The following MAP3K20 variants were observed in gnomAD, a reference collection of about 807,000 sequenced individuals.
MAP3K20 encodes the protein HCCS-4.
In MAP3K20, 40 loss-of-function variants were observed where a neutral mutation model predicts 85.7. The ratio of observed to expected loss-of-function variants is 0.47; its 90% CI spans 0.36 to 0.61. The LOEUF is 0.61. Ranked by LOEUF, MAP3K20 falls within the 20% of genes least tolerant of loss-of-function variation. The probability of loss-of-function intolerance (pLI) is 0.00; values close to 1 mark genes in which losing one functional copy is unlikely to be tolerated. For synonymous variants in MAP3K20, 325 were observed against 327.7 expected (o/e 0.99, Z 0.09); for missense variants, 817 against 961.7 (o/e 0.85, Z 1.99).
chr2:173,079,942 T>C (rs1462758533), intron 1 of MAP3K20, among the ~76,000 whole-genome samples: 1 of 152,016 alleles, frequency 6.6e-6, no homozygotes, highest in Non-Finnish European at 1.5e-5. Flanking sequence ...GGATAAAAAG[T>C]ATAGTAAATA....
intron 2 of MAP3K20, among the ~76,000 whole-genome samples, chr2:173,140,114 C>T (rs1178126754): frequency 6.6e-6 from 1 of 151,946 alleles, no homozygotes; most frequent in African/African-American, 2.4e-5. Flanking sequence ...CGGGTTCAAG[C>T]GATTCCCCTG....
At chr2:173,088,655 A>C (rs1488518726) in intron 1 of MAP3K20, among the ~76,000 whole-genome samples, 1 of 152,216 alleles carries the variant, frequency 6.6e-6, no homozygotes, top group Non-Finnish European at 1.5e-5. Flanking sequence ...TTATAAAAAT[A>C]ATTAACAAAA....
intron 2 of MAP3K20, among the ~76,000 whole-genome samples, chr2:173,102,965 A>G (rs1384299564): frequency 6.6e-6 from 1 of 152,138 alleles, no homozygotes; most frequent in African/African-American, 2.4e-5. Flanking sequence ...AGGGAGGAGA[A>G]TCGCTTGAAC....
Position 173,146,272 on chromosome 2 carries a change from G to A in MAP3K20, c.160-23533G>A, listed in dbSNP as rs972623469. On this transcript the variant is annotated intron_variant, in intron 2 of 19. Transcript: ENST00000375213. Reference sequence around the variant, plus strand: ...GCAAAGGAACAAGCCAGTCAAGTCTGTTGCCTTTTAGAGGGATTCTCCAGA... The same window carrying A: ...GCAAAGGAACAAGCCAGTCAAGTCTATTGCCTTTTAGAGGGATTCTCCAGA... 3.3e-5 allele frequency among the ~76,000 whole-genome samples: 5 copies of A among 151,632 alleles called. No individual in the cohort carries two copies. The South Asian group carries it at 1.0e-3, about 32-fold the overall frequency.
intron 14 of MAP3K20, among the ~76,000 whole-genome samples, chr2:173,232,689 A>T (rs1266815010): frequency 1.3e-5 from 2 of 152,114 alleles, no homozygotes; most frequent in African/African-American, 4.8e-5. Context: ...TTTTTAGTAG[A>T]GATGGGGCTT....
At chr2:173,137,796 C>CA (rs1036855147) in intron 2 of MAP3K20, among the ~76,000 whole-genome samples, 1 of 152,088 alleles carries the variant, frequency 6.6e-6, no homozygotes, top group Non-Finnish European at 1.5e-5. Flanking sequence ...GTGCTGTTGA[C>CA]ACGTGGGCAT....
chr2:173,115,525 C>G (rs2106180285), intron 2 of MAP3K20, among the ~76,000 whole-genome samples: 1 of 152,108 alleles, frequency 6.6e-6, no homozygotes, highest in Non-Finnish European at 1.5e-5. Context: ...TTTCTGGTTC[C>G]TTCTCATTTG....
chr2:173,198,818 T>TAAGAGCCTACA lies in MAP3K20; in HGVS notation c.669+707_669+708insAGAGCCTACAA, dbSNP rs1690935960. 6.6e-6 allele frequency: 1 copy of TAAGAGCCTACA among 152,632 alleles called. No homozygotes were observed. The highest frequency in any genetic ancestry group is 1.5e-5 in the Non-Finnish European group (1 of 68,050). The allele number at this position is 152,632 out of a possible 1,614,324, so 9.5% of individuals were successfully genotyped here. A position where few individuals can be genotyped will look rare whatever the true frequency, so the allele number is the denominator to read the frequency against. On this transcript the variant is annotated intron_variant, in intron 8 of 19. Coordinates refer to ENST00000375213, the MANE Select transcript of MAP3K20 (RefSeq NM_016653.3). This position sits in a 1 kb window ranked among gnomAD's most constrained non-coding sequence, Gnocchi z 5.8. Reference sequence around the variant, plus strand: ...ATTGAGGCTTTCAGTTAGTTGGACCTATGAGCCTACATCAGAGAACATGGT... The same window carrying TAAGAGCCTACA: ...ATTGAGGCTTTCAGTTAGTTGGACCTAAGAGCCTACAATGAGCCTACATCAGAGAACATGGT...
chr2:173,248,985 A>AT (rs1684984523), intron 16 of MAP3K20, among the ~76,000 whole-genome samples: 1 of 152,146 alleles, frequency 6.6e-6, no homozygotes, highest in South Asian at 2.1e-4. Context: ...TAATGAATCC[A>AT]TTGTCAGTTG....
At chr2:173,078,971 A>T (rs905454932) in intron 1 of MAP3K20, among the ~76,000 whole-genome samples, 3 of 152,188 alleles carry the variant, frequency 2.0e-5, no homozygotes, top group Non-Finnish European at 4.4e-5. Flanking sequence ...CACTCATGTA[A>T]GTTAGGAACA....
chr2:173,199,047 T>A (rs1278074220), intron 8 of MAP3K20, among the ~76,000 whole-genome samples: 2 of 152,228 alleles, frequency 1.3e-5, no homozygotes, highest in Non-Finnish European at 2.9e-5. Context: ...CCAAATCTTA[T>A]CTGTGCTCTC....
chr2:173,233,893 GA>G (rs1559292741), intron 14 of MAP3K20, among the ~76,000 whole-genome samples: 1 of 152,188 alleles, frequency 6.6e-6, no homozygotes, highest in African/African-American at 2.4e-5. Context: ...TTCCACAACA[GA>G]AAGAGGACCT....
At chr2:173,078,590 A>C (rs922679813) in intron 1 of MAP3K20, among the ~76,000 whole-genome samples, 2 of 152,162 alleles carry the variant, frequency 1.3e-5, no homozygotes, top group African/African-American at 4.8e-5. Context: ...AGACCCTCCT[A>C]CGGATGCTGA....
chr2:173,090,975 T>G, intron 1 of MAP3K20, 23 bp from the exon 2 acceptor site: 1 of 1,557,624 alleles, frequency 6.4e-7, no homozygotes. Flanking sequence ...TAATTCAGCT[T>G]TTCTTTTTCT....
chr2:173,245,236 CT>C (rs1193267459), intron 16 of MAP3K20, among the ~76,000 whole-genome samples: 2 of 152,098 alleles, frequency 1.3e-5, no homozygotes, highest in Admixed American at 6.5e-5. Context: ...CCCTGTCCAC[CT>C]TTGTCCTAAG....
At chr2:173,117,641 T>C (rs1480149473) in intron 2 of MAP3K20, among the ~76,000 whole-genome samples, 2 of 152,134 alleles carry the variant, frequency 1.3e-5, no homozygotes, top group African/African-American at 4.8e-5. Flanking sequence ...AAGAATCAAT[T>C]AGTAATTTTC....
chr2:173,233,081 C>A, intron 14 of MAP3K20, among the ~76,000 whole-genome samples: 1 of 152,194 alleles, frequency 6.6e-6, no homozygotes, highest in South Asian at 2.1e-4. Flanking sequence ...ACTGCCTATG[C>A]GATAATGGTA....
chr2:173,205,102 C>CAAAAAAA (rs1191556180), intron 9 of MAP3K20, among the ~76,000 whole-genome samples: 1 of 54,012 alleles, frequency 1.9e-5, no homozygotes, highest in African/African-American at 1.0e-4. Flanking sequence ...GACTCTGTCT[C>CAAAAAAA]AAAAAAAAAA....
At chr2:173,099,321 TTG>T (rs1437255397) in intron 2 of MAP3K20, among the ~76,000 whole-genome samples, 3 of 140,874 alleles carry the variant, frequency 2.1e-5, no homozygotes, top group Non-Finnish European at 4.5e-5. Flanking sequence ...GTTTTGTGTT[TTG>T]TGTTTTGTTT....
Sources: gnomAD v4.1 joint callset for allele counts (sites outside exome capture counted in the v4.1 genomes callset) on GRCh38, gnomAD v4.1.1 for gene constraint, Gnocchi (gnomAD v3.1) non-coding constraint, MANE v1.5 for transcripts, NCBI Gene and HGNC (gene_info 2026-07-23, HGNC 2026-07-21) for gene names.